Variants in CRADD observed in about 807,000 individuals in gnomAD.
CRADD encodes the protein death domain-containing protein CRADD.
CRADD carries 9 observed loss-of-function variants against 15.5 expected under a neutral mutation model. The observed-to-expected ratio is 0.58, with a 90% CI of 0.35 to 1.01. The LOEUF is 1.01. CRADD is among the 50% of genes least tolerant of loss of function. CRADD has a pLI of 0.02. For missense variants in CRADD, 227 were observed against 250.3 expected, an observed-to-expected ratio of 0.91 and a Z score of 0.63; for synonymous variants, 118 against 107.6, an observed-to-expected ratio of 1.10 and a Z score of -0.60.
At chr12:93,838,682 A>G (rs1166100792) in intron 2 of CRADD, among the ~76,000 whole-genome samples, 1 of 151,304 alleles carries the variant, frequency 6.6e-6, no homozygotes, top group Non-Finnish European at 1.5e-5. Flanking sequence ...CCTCTCATAG[A>G]TAAGGATAAC....
Position 93,790,440 on chromosome 12 carries a change from A to G in CRADD, c.299-59530A>G, listed in dbSNP as rs1009294458. Among the ~76,000 whole-genome samples, 2 of 152,158 alleles carry G rather than the reference A, an allele frequency of 1.3e-5. 1 individual carries two copies. Among genetic ancestry groups the G allele is most frequent in the Middle Eastern group, 6.8e-3 (2 of 294 alleles). On this transcript the variant is annotated intron_variant, in intron 2 of 2. Coordinates refer to ENST00000332896, the MANE Select transcript of CRADD (RefSeq NM_003805.5). ...ACTAACCTGCACATTGTGCACATGT[A>G]CCCTAAAACTTAAAGTATTATGATA...
intron 2 of CRADD, among the ~76,000 whole-genome samples, chr12:93,721,700 A>C (rs1956268233): frequency 6.6e-6 from 1 of 152,192 alleles, no homozygotes; most frequent in African/African-American, 2.4e-5. Context: ...ATGTAGATTA[A>C]AAGCAAATAA....
downstream of CRADD, among the ~76,000 whole-genome samples, chr12:93,851,486 A>T (rs1958221032): frequency 6.6e-6 from 1 of 152,140 alleles, no homozygotes; most frequent in Non-Finnish European, 1.5e-5. Context: ...CTCACCTCTG[A>T]GGTCTTTGTG....
chr12:93,861,960 C>T (rs1318707714), intron 2 of CRADD, among the ~76,000 whole-genome samples: 1 of 152,098 alleles, frequency 6.6e-6, no homozygotes, highest in Non-Finnish European at 1.5e-5. Context: ...GTCGGTTTCC[C>T]CCATACTTTT....
At position 93,694,271 on chromosome 12, in the gene CRADD, C is replaced by A. The variant is rs1018490883; in HGVS notation, c.298+15199C>A. On this transcript the variant is annotated intron_variant, in intron 2 of 2. Coordinates refer to ENST00000332896, the MANE Select transcript of CRADD (RefSeq NM_003805.5). The stretch of plus-strand genomic sequence containing the variant: ...AAAGCTTTCGACAAATGTCAACATC[C>A]CTTCATTATAAAATCTCTCAACAAA... Among the ~76,000 whole-genome samples the A allele has an allele frequency of 2.0e-5, 3 of 152,016 alleles. 1 individual carries two copies. Among genetic ancestry groups the A allele is most frequent in the Non-Finnish European group, 4.4e-5 (3 of 67,942 alleles).
chr12:93,740,736 A>G (rs1476204676), intron 2 of CRADD, among the ~76,000 whole-genome samples: 1 of 152,234 alleles, frequency 6.6e-6, no homozygotes, highest in African/African-American at 2.4e-5. Flanking sequence ...GTGGCTAGTT[A>G]TATTTATTAC....
At chr12:93,847,292 C>A (rs1238929839) in intron 2 of CRADD, among the ~76,000 whole-genome samples, 1 of 151,334 alleles carries the variant, frequency 6.6e-6, no homozygotes, top group Non-Finnish European at 1.5e-5. Flanking sequence ...ACAAGGTCTA[C>A]AAACTTTTAA....
At chr12:93,751,501 A>G (rs1956828134) in intron 2 of CRADD, among the ~76,000 whole-genome samples, 1 of 152,234 alleles carries the variant, frequency 6.6e-6, no homozygotes, top group Non-Finnish European at 1.5e-5. Flanking sequence ...GTTGGTAAAA[A>G]CTTCCCAATC....
At chr12:93,852,438 G>C (rs984554986), downstream of CRADD, among the ~76,000 whole-genome samples, 1 of 152,266 alleles carries the variant, frequency 6.6e-6, no homozygotes, top group Admixed American at 6.5e-5. Flanking sequence ...CGATGGGCCA[G>C]ACAGACAGGG....
intron 2 of CRADD, among the ~76,000 whole-genome samples, chr12:93,859,982 G>A (rs947647405): frequency 7.9e-5 from 12 of 151,378 alleles, no homozygotes; most frequent in Non-Finnish European, 1.5e-4. Context: ...CTCCTGCCTT[G>A]GTCTCCCATA....
In CRADD at chr12:93,799,611, C is replaced by T. The variant is rs528357020; in HGVS notation, c.299-50359C>T. On this transcript the variant is annotated intron_variant, in intron 2 of 2. Coordinates refer to ENST00000332896, the MANE Select transcript of CRADD (RefSeq NM_003805.5). The stretch of plus-strand genomic sequence containing the variant: ...CATTTTATAGAATACATCTTTACCA[C>T]CCTAAGTTGTTTAACAAACTGAATC... Among the ~76,000 whole-genome samples, 315 of 152,296 alleles carry T rather than the reference C, an allele frequency of 2.1e-3. 2 individuals are homozygous for T. The highest frequency in any genetic ancestry group is 7.2e-3 in the African/African-American group (301 of 41,556).
rs760406575 is a variant in CRADD, at chr12:93,761,090, C to T, written c.298+82018C>T. Among the ~76,000 whole-genome samples, 6 of 152,090 alleles carry T rather than the reference C, an allele frequency of 3.9e-5. No homozygotes were observed. In the South Asian group the frequency reaches 8.3e-4, roughly 21 times the overall value. On this transcript the variant is annotated intron_variant, in intron 2 of 2. Coordinates refer to ENST00000332896, the MANE Select transcript of CRADD (RefSeq NM_003805.5). ...CTGGCAGTGTCTTCAACTCTGGCTG[C>T]ACTTTGCAGCCATTGAGGTGGCTCA...
rs1956878552 is a variant in CRADD at position 93,755,424 on chromosome 12, A to T, written c.298+76352A>T. ...TTTAAATCTCTGTTCTAGCTTTGTC[A>T]TATGCCCTACATGACAGTGGAACTA... On this transcript the variant is annotated intron_variant, in intron 2 of 2. Transcript: ENST00000332896. Among the ~76,000 whole-genome samples the T allele has an allele frequency of 2.0e-5, 3 of 152,284 alleles. No homozygotes were observed. In the South Asian group the frequency reaches 6.2e-4, roughly 32 times the overall value.
rs186846711 is a variant in CRADD, at chr12:93,821,303, G to A, written c.299-28667G>A. Among the ~76,000 whole-genome samples, 382 of 152,226 alleles carry A rather than the reference G, an allele frequency of 2.5e-3. 2 individuals carry two copies. Among genetic ancestry groups the A allele is most frequent in the Middle Eastern group, 0.014 (4 of 294 alleles). ...CTATACTCATTTATATTCCCTACCA[G>A]GCCCCTGTAGACATTGGCATTTTCA... On this transcript the variant is annotated intron_variant, in intron 2 of 2. Transcript: ENST00000332896.
At chr12:93,792,720 C>T (rs1439142179) in intron 2 of CRADD, among the ~76,000 whole-genome samples, 1 of 152,110 alleles carries the variant, frequency 6.6e-6, no homozygotes, top group African/African-American at 2.4e-5. Flanking sequence ...CTATTATAAT[C>T]CCCAATTACA....
At chr12:93,686,663 C>G in intron 2 of CRADD, among the ~76,000 whole-genome samples, 1 of 152,282 alleles carries the variant, frequency 6.6e-6, no homozygotes, top group Middle Eastern at 3.4e-3. Context: ...AATTTTAGAA[C>G]TGGGTGGGAC....
At chr12:93,711,719 G>A (rs2136864523) in intron 2 of CRADD, among the ~76,000 whole-genome samples, 1 of 150,754 alleles carries the variant, frequency 6.6e-6, no homozygotes, top group East Asian at 2.0e-4. Flanking sequence ...CCTCAGCCCA[G>A]AGGACCTCAT....
Position 93,777,134 on chromosome 12 carries a change from G to A in CRADD, c.299-72836G>A, listed in dbSNP as rs374425022. 7.9e-5 allele frequency among the ~76,000 whole-genome samples: 12 copies of A among 152,330 alleles called. No homozygotes were observed. The East Asian group carries it at 1.3e-3, about 17-fold the overall frequency. On this transcript the variant is annotated intron_variant, in intron 2 of 2. Coordinates refer to ENST00000332896, the MANE Select transcript of CRADD (RefSeq NM_003805.5). ...TATGGTCATTCTCACGGGCCTGTGG[G>A]TTGGGCAGGAAGACAGTGCCATAGC...
chr12:93,712,749 CTG>C (rs1351542420), intron 2 of CRADD, among the ~76,000 whole-genome samples: 5 of 152,172 alleles, frequency 3.3e-5, no homozygotes, highest in African/African-American at 1.2e-4. Context: ...GGCTTAAAAA[CTG>C]TAGACTAGGA....
Sources: allele counts gnomAD v4.1 joint callset (sites outside exome capture counted in the v4.1 genomes callset), GRCh38; gene constraint gnomAD v4.1.1; transcripts MANE v1.5; gene names NCBI Gene and HGNC (gene_info 2026-07-23, HGNC 2026-07-21).